Variants in GUCY1A2 observed in about 807,000 individuals in gnomAD.
GUCY1A2 encodes guanylate cyclase 1 soluble subunit alpha 2.
Under a neutral mutation model 63.5 loss-of-function variants are expected in GUCY1A2, and 27 were observed. That is an observed-to-expected ratio of 0.43 (90% CI 0.31 to 0.59). GUCY1A2 has a LOEUF of 0.59. Among genes scored for constraint, GUCY1A2 ranks in the 20% least tolerant of loss-of-function variants. GUCY1A2 has a pLI of 0.11. For synonymous variants in GUCY1A2, 364 were observed against 343.5 expected (o/e 1.06, Z -0.66); for missense variants, 768 against 913.3 (o/e 0.84, Z 2.05).
chr11:106,765,987 A>G (rs1233364853), intron 6 of GUCY1A2, among the ~76,000 whole-genome samples: 1 of 152,178 alleles, frequency 6.6e-6, no homozygotes, highest in Non-Finnish European at 1.5e-5. Context: ...CTGATGCAGT[A>G]GGAAGCATTA....
intron 7 of GUCY1A2, among the ~76,000 whole-genome samples, chr11:106,700,212 T>C (rs923299190): frequency 3.3e-5 from 5 of 152,164 alleles, no homozygotes; most frequent in African/African-American, 1.2e-4. Flanking sequence ...CTATTTTTAC[T>C]GTAAAAATAA....
At chr11:106,912,681 G>T (rs1051025810) in intron 4 of GUCY1A2, among the ~76,000 whole-genome samples, 2 of 152,064 alleles carry the variant, frequency 1.3e-5, no homozygotes, top group Non-Finnish European at 2.9e-5. Context: ...TAGATGAAAT[G>T]ATTTCTCTAT....
At chr11:106,912,478 A>T (rs1234840231) in intron 4 of GUCY1A2, among the ~76,000 whole-genome samples, 3 of 152,128 alleles carry the variant, frequency 2.0e-5, no homozygotes, top group Admixed American at 2.0e-4. Flanking sequence ...CCAGAACCAA[A>T]TAAAGTGCTA....
At chr11:106,927,193 GA>G (rs1860536310) in intron 4 of GUCY1A2, among the ~76,000 whole-genome samples, 1 of 151,634 alleles carries the variant, frequency 6.6e-6, no homozygotes, top group Non-Finnish European at 1.5e-5. Context: ...TGAACACGGT[GA>G]AACCCTGTCT....
At chr11:106,842,611 CTA>C (rs1859215158) in intron 4 of GUCY1A2, among the ~76,000 whole-genome samples, 1 of 151,996 alleles carries the variant, frequency 6.6e-6, no homozygotes, top group Non-Finnish European at 1.5e-5. Flanking sequence ...TCATTCATCT[CTA>C]TGAGTTAACT....
intron 4 of GUCY1A2, among the ~76,000 whole-genome samples, chr11:106,929,471 T>C (rs1039283391): frequency 6.6e-6 from 1 of 152,194 alleles, no homozygotes; most frequent in African/African-American, 2.4e-5. Context: ...AATTCATTAC[T>C]TTTTAAGGTT....
intron 4 of GUCY1A2, among the ~76,000 whole-genome samples, chr11:106,884,056 T>C (rs969745887): frequency 1.3e-5 from 2 of 152,072 alleles, no homozygotes; most frequent in Middle Eastern, 3.4e-3. Flanking sequence ...GGGGGAGGGA[T>C]ACCATTAGGA....
intron 6 of GUCY1A2, among the ~76,000 whole-genome samples, chr11:106,720,791 A>G (rs143491128): frequency 6.6e-6 from 1 of 152,284 alleles, no homozygotes; most frequent in African/African-American, 2.4e-5. Context: ...GGTGTCCTAG[A>G]TGGGACCTTG....
intron 1 of GUCY1A2, among the ~76,000 whole-genome samples, chr11:106,999,519 T>A (rs534637460): frequency 3.9e-4 from 59 of 152,312 alleles, no homozygotes; most frequent in African/African-American, 1.4e-3. Context: ...ATTTGTGGAT[T>A]TATAATCACA....
chr11:106,854,565 G>T (rs563093585), intron 4 of GUCY1A2, among the ~76,000 whole-genome samples: 1 of 152,280 alleles, frequency 6.6e-6, no homozygotes, highest in Admixed American at 6.5e-5. Flanking sequence ...GTAGTACCAC[G>T]TAAGGCGGAC....
chr11:106,947,970 T>A (rs1860852846), intron 3 of GUCY1A2, among the ~76,000 whole-genome samples: 1 of 152,012 alleles, frequency 6.6e-6, no homozygotes, highest in African/African-American at 2.4e-5. Flanking sequence ...GTAACTAAAT[T>A]GGAATAAGAA....
At chr11:106,688,421 C>A (rs1862565742) in intron 7 of GUCY1A2, among the ~76,000 whole-genome samples, 1 of 152,104 alleles carries the variant, frequency 6.6e-6, no homozygotes, top group South Asian at 2.1e-4. Flanking sequence ...ATTCTTTAAA[C>A]TTGTCCAGTT....
At chr11:106,732,102 C>G (rs961061785) in intron 6 of GUCY1A2, among the ~76,000 whole-genome samples, 7 of 152,102 alleles carry the variant, frequency 4.6e-5, no homozygotes, top group African/African-American at 1.7e-4. Context: ...AAGTCCTAAG[C>G]AAACAGAACC....
At chr11:106,838,129 C>A (rs1859141878) in intron 4 of GUCY1A2, among the ~76,000 whole-genome samples, 1 of 151,916 alleles carries the variant, frequency 6.6e-6, no homozygotes, top group Non-Finnish European at 1.5e-5. Flanking sequence ...TCGTGTGCAA[C>A]CCTACCCTCT....
chr11:106,842,147 C>T (rs1300541761), intron 4 of GUCY1A2, among the ~76,000 whole-genome samples: 1 of 151,868 alleles, frequency 6.6e-6, no homozygotes, highest in African/African-American at 2.4e-5. Context: ...CTTATTCTCC[C>T]ACCTAAGGCA....
At chr11:106,894,508 A>G (rs1860018841) in intron 4 of GUCY1A2, among the ~76,000 whole-genome samples, 1 of 152,152 alleles carries the variant, frequency 6.6e-6, no homozygotes, top group Non-Finnish European at 1.5e-5. Context: ...ATTATTCTCA[A>G]GTTCACATGG....
intron 4 of GUCY1A2, among the ~76,000 whole-genome samples, chr11:106,861,236 G>A (rs934626398): frequency 2.0e-5 from 3 of 151,920 alleles, no homozygotes; most frequent in African/African-American, 7.2e-5. Flanking sequence ...TAATCTAGGA[G>A]CCTATCTTGA....
At chr11:106,728,961 T>C (rs900380746) in intron 6 of GUCY1A2, among the ~76,000 whole-genome samples, 12 of 152,160 alleles carry the variant, frequency 7.9e-5, no homozygotes, top group Non-Finnish European at 1.5e-5. Context: ...AAGGAGAAGA[T>C]TTACTTCATT....
intron 4 of GUCY1A2, among the ~76,000 whole-genome samples, chr11:106,896,142 C>G (rs913828590): frequency 6.6e-6 from 1 of 151,670 alleles, no homozygotes; most frequent in African/African-American, 2.4e-5. Flanking sequence ...GTATTTTTCT[C>G]AAGCATGCAA....
Sources: allele counts gnomAD v4.1 joint callset (sites outside exome capture counted in the v4.1 genomes callset), GRCh38; gene constraint gnomAD v4.1.1; transcripts MANE v1.5; gene names NCBI Gene and HGNC (gene_info 2026-07-23, HGNC 2026-07-21).